Variants in LRP1B observed in about 807,000 individuals in gnomAD.
LRP1B encodes the protein low-density lipoprotein receptor-related protein 1B.
Under a neutral mutation model 556.6 loss-of-function variants are expected in LRP1B, and 217 were observed. The observed-to-expected ratio is 0.39, with a 90% confidence interval of 0.35 to 0.44. The LOEUF is 0.44. Among genes scored for constraint, LRP1B ranks in the 20% least tolerant of loss-of-function variants. The pLI is 1.00. For missense variants in LRP1B, 5,053 were observed against 5,620.8 expected (o/e 0.90, Z 3.23); for synonymous variants, 2,047 against 1,865.8 (o/e 1.10, Z -2.50).
intron 31 of LRP1B, among the ~76,000 whole-genome samples, chr2:140,835,309 T>C (rs1327096271): frequency 6.6e-6 from 1 of 152,156 alleles, no homozygotes; most frequent in African/African-American, 2.4e-5. Context: ...AAAAGGAAAC[T>C]AAACGTCTGA....
At chr2:140,641,807 C>T (rs2105300761) in intron 41 of LRP1B, among the ~76,000 whole-genome samples, 1 of 152,248 alleles carries the variant, frequency 6.6e-6, no homozygotes, top group African/African-American at 2.4e-5. Context: ...ACAGTTAATA[C>T]TTTGTTTTTA....
rs1693000477 is a variant in LRP1B, at chr2:140,867,906, TC to T, written c.4335-73del. 15 of 1,421,604 alleles carry T rather than the reference TC, an allele frequency of 1.1e-5. No individual in the cohort carries two copies. In the South Asian group the frequency reaches 2.0e-4, roughly 19 times the overall value. 88.1% of individuals were successfully genotyped at this position (1,421,604 alleles called of 1,614,324 possible). ...TAGTCCAGAGACATAATCATGTAAC[TC>T]AGCTAAATGACAAAAAAGGTATTTT... is the stretch of plus-strand genomic sequence containing the variant. On this transcript the variant is annotated intron_variant, in intron 26 of 90. Transcript: ENST00000389484.
At chr2:140,353,263 G>A (rs557612882) in intron 75 of LRP1B, among the ~76,000 whole-genome samples, 191 bp from the exon 76 acceptor site, 11 of 152,184 alleles carry the variant, frequency 7.2e-5, no homozygotes, top group African/African-American at 2.6e-4. Context: ...TGTAGTAGAA[G>A]ATTTATCAAT....
At chr2:141,946,590 G>T (rs1037168182) in intron 1 of LRP1B, among the ~76,000 whole-genome samples, 1 of 152,112 alleles carries the variant, frequency 6.6e-6, no homozygotes, top group African/African-American at 2.4e-5. Context: ...GATAGACAAG[G>T]TGTGTGACAG....
intron 3 of LRP1B, among the ~76,000 whole-genome samples, chr2:141,443,086 C>T (rs1681046836): frequency 6.6e-6 from 1 of 152,192 alleles, no homozygotes; most frequent in South Asian, 2.1e-4. Context: ...TCCTCTCCAG[C>T]ATCTGTTGCT....
At chr2:141,162,094 A>G (rs1012168777) in intron 7 of LRP1B, among the ~76,000 whole-genome samples, 3 of 152,228 alleles carry the variant, frequency 2.0e-5, no homozygotes, top group Admixed American at 2.0e-4. Context: ...TCTCTCCCTT[A>G]TAACAGTAAC....
intron 1 of LRP1B, among the ~76,000 whole-genome samples, chr2:142,114,335 T>C (rs7565655): frequency 0.67 from 101,657 of 151,942 alleles, 34,191 homozygotes; most frequent in East Asian, 0.71. Flanking sequence ...ATTCAGAATT[T>C]TAGTCAGCAT....
At chr2:141,604,690 A>G (rs10210140) in intron 2 of LRP1B, among the ~76,000 whole-genome samples, 8,221 of 151,974 alleles carry the variant, frequency 0.054, 319 homozygotes, top group African/African-American at 0.1. Context: ...TCAAAAACCA[A>G]TCAGTACACA....
intron 55 of LRP1B, among the ~76,000 whole-genome samples, chr2:140,500,406 G>C (rs996291760): frequency 2.6e-5 from 4 of 151,902 alleles, no homozygotes; most frequent in Non-Finnish European, 4.4e-5. Context: ...GCTTGTCATA[G>C]CATGCTAAGG....
chr2:141,641,326 T>C (rs1395697335), intron 2 of LRP1B, among the ~76,000 whole-genome samples: 1 of 152,130 alleles, frequency 6.6e-6, no homozygotes, highest in African/African-American at 2.4e-5. Flanking sequence ...TTAGACCATA[T>C]TATATGATCT....
chr2:140,555,698 A>T (rs1300288524), intron 43 of LRP1B, among the ~76,000 whole-genome samples: 6 of 152,122 alleles, frequency 3.9e-5, no homozygotes, highest in African/African-American at 1.4e-4. Flanking sequence ...CAACTTAAAA[A>T]TTAACTTTTA....
intron 7 of LRP1B, among the ~76,000 whole-genome samples, chr2:141,133,308 C>G (rs1339475847): frequency 9.2e-6 from 1 of 108,126 alleles, no homozygotes; most frequent in South Asian, 2.7e-4. Context: ...TTTTTTTCCA[C>G]AATACTGTAT....
chr2:140,566,683 C>T (rs1461286049), intron 43 of LRP1B, among the ~76,000 whole-genome samples: 1 of 152,164 alleles, frequency 6.6e-6, no homozygotes, highest in Non-Finnish European at 1.5e-5. Flanking sequence ...TACGCTAAAG[C>T]TGAAGCAATG....
At chr2:140,361,345 T>TATAC (rs1367900735) in intron 72 of LRP1B, among the ~76,000 whole-genome samples, 7 of 90,306 alleles carry the variant, frequency 7.8e-5, no homozygotes, top group African/African-American at 2.8e-4. Flanking sequence ...GGAAAGCATA[T>TATAC]ATATATATAT....
intron 84 of LRP1B, among the ~76,000 whole-genome samples, chr2:140,295,667 C>T (rs1479541060): frequency 1.3e-5 from 2 of 152,032 alleles, no homozygotes; most frequent in African/African-American, 2.4e-5. Flanking sequence ...TTTATTTTTT[C>T]CTGGTGTCCT....
At chr2:141,886,434 C>A (rs367741879) in intron 1 of LRP1B, among the ~76,000 whole-genome samples, 6 of 152,128 alleles carry the variant, frequency 3.9e-5, no homozygotes, top group Non-Finnish European at 7.4e-5. Context: ...AAATCCATCT[C>A]TTGTAGCCGT....
intron 2 of LRP1B, among the ~76,000 whole-genome samples, chr2:141,607,336 C>G (rs145316562): frequency 0.012 from 1,823 of 152,258 alleles, 40 homozygotes; most frequent in African/African-American, 0.041. Flanking sequence ...TCAAAGTCAT[C>G]TCTAACCAAA....
intron 23 of LRP1B, among the ~76,000 whole-genome samples, chr2:140,895,621 A>G (rs1244187391): frequency 6.6e-6 from 1 of 152,000 alleles, no homozygotes; most frequent in East Asian, 1.9e-4. Context: ...CAGTGTGACA[A>G]CCCCCTGTAA....
intron 23 of LRP1B, among the ~76,000 whole-genome samples, chr2:140,902,139 A>G (rs1354559618): frequency 2.0e-5 from 3 of 152,344 alleles, no homozygotes; most frequent in East Asian, 3.9e-4. Context: ...AAATAATGCT[A>G]TAATATTTTC....
Sources: allele counts gnomAD v4.1 joint callset (sites outside exome capture counted in the v4.1 genomes callset), GRCh38; gene constraint gnomAD v4.1.1; transcripts MANE v1.5; gene names NCBI Gene and HGNC (gene_info 2026-07-23, HGNC 2026-07-21).